Variants in ATP1A4 observed in about 807,000 individuals in gnomAD.
ATP1A4 encodes the protein ATPase Na+/K+ transporting subunit alpha 4, also known as sodium/potassium-transporting ATPase subunit alpha-4.
ATP1A4 carries 90 observed loss-of-function variants against 114.3 expected under a neutral mutation model. The ratio of observed to expected loss-of-function variants is 0.79; its 90% confidence interval spans 0.66 to 0.94. ATP1A4 has a LOEUF of 0.94. Ranked by LOEUF, ATP1A4 falls within the 40% of genes least tolerant of loss-of-function variation. The pLI is 0.00. For synonymous variants in ATP1A4, 511 were observed against 494.1 expected (o/e 1.03, Z -0.45); for missense variants, 1,222 against 1,313.6 (o/e 0.93, Z 1.08).
Position 160,176,092 on chromosome 1 carries a change from G to T in ATP1A4, c.2312G>T (p.Gly771Val), listed in dbSNP as rs763365778. 4.3e-6 allele frequency: 7 copies of T among 1,614,050 alleles called. No homozygotes were observed. The Admixed American group carries it at 6.7e-5, about 15-fold the overall frequency. The change falls in exon 16 of 22, where the codon GGC becomes GTC. Residue 771 changes from glycine (G) to valine (V), a missense_variant and splice_region_variant. Gly to Val is a moderately radical substitution (Grantham distance 109, BLOSUM62 -3). Transcript: ENST00000368081. ...ACAGGAGGTTGACCTTCCTCCCCAG[G>T]CCGCCTGATCTTTGACAACCTGAAG... ...FASIVTGVEE[G>V]RLIFDNLKKS...
At chr1:160,169,385 A>G (rs1167550046) in intron 10 of ATP1A4, among the ~76,000 whole-genome samples, 1 of 152,358 alleles carries the variant, frequency 6.6e-6, no homozygotes, top group South Asian at 2.1e-4. Flanking sequence ...TGAGATTACT[A>G]GTAGGTCTTG....
At position 160,177,659 on chromosome 1, in the gene ATP1A4, C is replaced by T; in HGVS notation, c.2731C>T (p.Gln911Ter). 1 of 1,614,112 alleles carries T rather than the reference C, an allele frequency of 6.2e-7. No individual in the cohort carries two copies. Among genetic ancestry groups the T allele is most frequent in the Non-Finnish European group, 8.5e-7 (1 of 1,180,008 alleles). Residue 911 changes from glutamine to a stop codon, truncating the protein, a stop_gained, in exon 18 of 22, where the codon CAG becomes TAG. Transcript: ENST00000368081. LOFTEE classifies it high-confidence loss of function. ...LNDLEDSYGQ[Q>*]WTYEQRKVVE... ...TGACCTGGAGGACAGCTACGGACAG[C>T]AGTGGGTGAGTAGAAGGGATAAGGT...
chr1:160,159,098 C>G lies in ATP1A4; in HGVS notation c.622C>G (p.Pro208Ala), dbSNP rs1251725067. Residue 208 changes from proline to alanine, a missense_variant, in exon 5 of 22, where the codon CCT (proline) becomes GCT (alanine). Coordinates refer to ENST00000368081, the MANE Select transcript of ATP1A4 (RefSeq NM_144699.4). ...GGAAATCAAGGGTGGAGACCGAGTC[C>G]CTGCTGACCTCCGGCTTATCTCTGC... The part of the protein sequence containing the change: ...LVEIKGGDRV[P>A]ADLRLISAQG... The G allele has an allele frequency of 6.2e-7, 1 of 1,613,966 alleles. No individual in the cohort carries two copies. Among genetic ancestry groups the G allele is most frequent in the Non-Finnish European group, 8.5e-7 (1 of 1,179,956 alleles).
intron 21 of ATP1A4, 97 bp downstream of exon 21, chr1:160,186,464 T>A: frequency 8.9e-7 from 1 of 1,126,698 alleles, no homozygotes; most frequent in South Asian, 1.4e-5. Flanking sequence ...CCACTGACTT[T>A]CTCCCCTCCT....
At chr1:160,184,189 G>A (rs1437949520) in intron 20 of ATP1A4, among the ~76,000 whole-genome samples, 1 of 152,072 alleles carries the variant, frequency 6.6e-6, no homozygotes, top group African/African-American at 2.4e-5. Context: ...CTGACCTTGT[G>A]ATCCGCCTGC....
At chr1:160,184,358 C>T (rs1653810618) in intron 20 of ATP1A4, among the ~76,000 whole-genome samples, 1 of 151,972 alleles carries the variant, frequency 6.6e-6, no homozygotes, top group South Asian at 2.1e-4. Flanking sequence ...CCAGCCTGTA[C>T]AACAAAGTGA....
chr1:160,160,875 G>C (rs548554744), intron 6 of ATP1A4, among the ~76,000 whole-genome samples: 1 of 152,144 alleles, frequency 6.6e-6, no homozygotes, highest in Non-Finnish European at 1.5e-5. Flanking sequence ...TTTTAAAATT[G>C]ATTGGACAGA....
intron 17 of ATP1A4, 29 bp downstream of exon 17, chr1:160,176,631 G>T (rs755393568): frequency 1.9e-6 from 3 of 1,605,086 alleles, no homozygotes; most frequent in Non-Finnish European, 2.6e-6. Flanking sequence ...GGGGTGGAGG[G>T]AGCAGGGAGT....
At chr1:160,173,917 G>T (rs1219617385) in intron 13 of ATP1A4, among the ~76,000 whole-genome samples, 194 bp from the exon 14 acceptor site, 1 of 152,158 alleles carries the variant, frequency 6.6e-6, no homozygotes, top group Non-Finnish European at 1.5e-5. Context: ...GAAGAAAGAG[G>T]TAAAGAGAGG....
Position 160,177,591 on chromosome 1 carries a change from A to T in ATP1A4, c.2663A>T (p.Asp888Val). 1 of 1,614,180 alleles carries T rather than the reference A, an allele frequency of 6.2e-7. No homozygotes were observed. The highest frequency in any genetic ancestry group is 8.5e-7 in the Non-Finnish European group (1 of 1,180,038). ...ILAENGFRPV[D>V]LLGIRLHWED... ...GCTGAGAATGGTTTTAGGCCTGTTGATCTGCTGGGCATCCGCCTCCACTGG... is the reference window on the plus strand; with the variant it reads ...GCTGAGAATGGTTTTAGGCCTGTTGTTCTGCTGGGCATCCGCCTCCACTGG... The change falls in exon 18 of 22, where the codon GAT (aspartate) becomes GTT (valine). Residue 888 changes from aspartate to valine, a missense_variant. By Grantham distance (152) the Asp-to-Val change is radical (BLOSUM62 -3). Transcript: ENST00000368081.
At chr1:160,154,785 G>A (rs989074063) in intron 2 of ATP1A4, among the ~76,000 whole-genome samples, 1 of 152,142 alleles carries the variant, frequency 6.6e-6, no homozygotes, top group Non-Finnish European at 1.5e-5. Flanking sequence ...CCTAGGACCC[G>A]AGATAGGTTC....
rs1281964868 is a variant in ATP1A4 at position 160,181,677 on chromosome 1, T to A, written c.2737-7T>A. On this transcript the variant is annotated splice_region_variant and splice_polypyrimidine_tract_variant and intron_variant, in intron 18 of 21. Coordinates refer to ENST00000368081, the MANE Select transcript of ATP1A4 (RefSeq NM_144699.4). ...GACACTGTTTCCTCTCTCCCTGCTG[T>A]CTCTAGACCTATGAGCAACGAAAAG... 6.2e-7 allele frequency: 1 copy of A among 1,614,052 alleles called. No individual in the cohort carries two copies. The highest frequency in any genetic ancestry group is 1.1e-5 in the South Asian group (1 of 91,068).
At chr1:160,178,286 C>A (rs1456186540) in intron 18 of ATP1A4, among the ~76,000 whole-genome samples, 2 of 152,060 alleles carry the variant, frequency 1.3e-5, no homozygotes, top group African/African-American at 4.8e-5. Context: ...ACCCGGGGGG[C>A]AAAGTTTGCA....
At chr1:160,174,084 T>C (rs1653362615) in intron 13 of ATP1A4, 27 bp from the exon 14 acceptor site, 2 of 1,610,994 alleles carry the variant, frequency 1.2e-6, no homozygotes, top group Admixed American at 1.7e-5. Context: ...CACTCAAAAC[T>C]AGCCTTTTGA....
At position 160,180,698 on chromosome 1, in the gene ATP1A4, T is replaced by C. The variant is rs1210891521; in HGVS notation, c.2737-986T>C. ...CCCCTGACTCTGCCTTCTTCCCTTTTTTTTTTTTTTTTTTTTTTTTTTTTT... is the reference window on the plus strand; with the variant it reads ...CCCCTGACTCTGCCTTCTTCCCTTTCTTTTTTTTTTTTTTTTTTTTTTTTT... On this transcript the variant is annotated intron_variant, in intron 18 of 21. Coordinates refer to ENST00000368081, the MANE Select transcript of ATP1A4 (RefSeq NM_144699.4). Among the ~76,000 whole-genome samples, 19 of 4,306 alleles carry C rather than the reference T, an allele frequency of 4.4e-3. 1 individual carries two copies. Among genetic ancestry groups the C allele is most frequent in the Non-Finnish European group, 2.9e-3 (5 of 1,696 alleles). The allele number at this position is 4,306 out of a possible 152,430, so 2.8% of individuals were successfully genotyped here. A position where few individuals can be genotyped will look rare whatever the true frequency, so the allele number is the denominator to read the frequency against.
At chr1:160,185,888 C>T (rs61803842) in intron 20 of ATP1A4, among the ~76,000 whole-genome samples, 38,227 of 145,632 alleles carry the variant, frequency 0.26, 5,451 homozygotes, top group South Asian at 0.34. Flanking sequence ...CACTGCACTC[C>T]AGCCTGGGTG....
chr1:160,154,182 C>T (rs538719237), intron 2 of ATP1A4, among the ~76,000 whole-genome samples: 1 of 152,152 alleles, frequency 6.6e-6, no homozygotes, highest in South Asian at 2.1e-4. Context: ...GGTGAAACCC[C>T]ATCTGTATTA....
chr1:160,186,058 G>T (rs929954004), intron 20 of ATP1A4, among the ~76,000 whole-genome samples: 16 of 107,552 alleles, frequency 1.5e-4, no homozygotes, highest in African/African-American at 5.7e-4. Context: ...TTGCACTCCA[G>T]CCTGGGCAAC....
intron 18 of ATP1A4, among the ~76,000 whole-genome samples, chr1:160,181,291 G>A (rs759098062): frequency 3.3e-5 from 5 of 152,192 alleles, no homozygotes; most frequent in Admixed American, 1.3e-4. Context: ...AGTGAGTCAC[G>A]CCTGTATTCC....
Sources: gnomAD v4.1 joint callset for allele counts (sites outside exome capture counted in the v4.1 genomes callset) on GRCh38, gnomAD v4.1.1 for gene constraint, MANE v1.5 for transcripts, NCBI Gene and HGNC (gene_info 2026-07-23, HGNC 2026-07-21) for gene names.